Variants in SYNPO2 observed in about 807,000 individuals in gnomAD.
The protein encoded by SYNPO2 is synaptopodin 2.
Under a neutral mutation model 85.0 loss-of-function variants are expected in SYNPO2, and 56 were observed. That is an observed-to-expected ratio of 0.66 (90% confidence interval 0.53 to 0.82). The LOEUF is 0.82. Ranked by LOEUF, SYNPO2 falls within the 40% of genes least tolerant of loss-of-function variation. The pLI is 0.00. For synonymous variants in SYNPO2, 602 were observed against 591.1 expected (o/e 1.02, Z -0.27); for missense variants, 1,575 against 1,534.2 (o/e 1.03, Z -0.44).
intron 1 of SYNPO2, among the ~76,000 whole-genome samples, chr4:118,992,724 C>A (rs1031635249): frequency 6.6e-6 from 1 of 152,108 alleles, no homozygotes; most frequent in African/African-American, 2.4e-5. Context: ...CATAAATGCA[C>A]TTGATCTGGA....
chr4:118,879,143 G>A lies in SYNPO2; in HGVS notation c.12+28203G>A, dbSNP rs558110255. On this transcript the variant is annotated intron_variant, in intron 1 of 4. Transcript: ENST00000610556. ...AACTCGCCAGAAGGAAGAAACTCCC[G>A]ACACATCTGAACATCTGAAGGAACA... Among the ~76,000 whole-genome samples, 6 of 152,214 alleles carry A rather than the reference G, an allele frequency of 3.9e-5. No individual in the cohort carries two copies. The East Asian group carries it at 9.6e-4, about 24-fold the overall frequency.
At chr4:118,873,952 C>A (rs371690170) in intron 1 of SYNPO2, among the ~76,000 whole-genome samples, 1 of 111,138 alleles carries the variant, frequency 9.0e-6, no homozygotes, top group African/African-American at 3.1e-5. Context: ...CTTTTCCCAC[C>A]GGCATTTATT....
chr4:118,942,746 A>G (rs967762147), intron 1 of SYNPO2, among the ~76,000 whole-genome samples: 1 of 152,218 alleles, frequency 6.6e-6, no homozygotes, highest in Admixed American at 6.5e-5. Context: ...GATAGAGGCC[A>G]GAGATGCTGC....
At chr4:118,916,800 A>T (rs1733350330) in intron 1 of SYNPO2, among the ~76,000 whole-genome samples, 1 of 136,118 alleles carries the variant, frequency 7.3e-6, no homozygotes, top group Non-Finnish European at 1.5e-5. Context: ...TGATGCAGTC[A>T]TAGCTCACTG....
intron 1 of SYNPO2, among the ~76,000 whole-genome samples, chr4:118,979,931 C>A (rs920761349): frequency 3.2e-4 from 48 of 152,256 alleles, no homozygotes; most frequent in African/African-American, 1.1e-3. Flanking sequence ...TTGGTCTGTG[C>A]CTCGTGTTAT....
intron 1 of SYNPO2, among the ~76,000 whole-genome samples, chr4:118,899,891 A>G (rs980092890): frequency 6.6e-6 from 1 of 152,194 alleles, no homozygotes; most frequent in South Asian, 2.1e-4. Flanking sequence ...CCTCCTGAGT[A>G]GCTGGGATTA....
intron 1 of SYNPO2, among the ~76,000 whole-genome samples, chr4:118,930,391 A>C (rs1733882763): frequency 6.6e-6 from 1 of 152,054 alleles, no homozygotes. Flanking sequence ...CCTTACTTAA[A>C]CTGTGTGGTG....
intron 1 of SYNPO2, among the ~76,000 whole-genome samples, chr4:119,019,728 G>T (rs2149183304): frequency 6.6e-6 from 1 of 152,138 alleles, no homozygotes; most frequent in Non-Finnish European, 1.5e-5. Flanking sequence ...TAAAGCTTAG[G>T]GTAGTAGCGT....
intron 4 of SYNPO2, among the ~76,000 whole-genome samples, chr4:119,052,564 C>T (rs1222833647): frequency 6.6e-6 from 1 of 152,022 alleles, no homozygotes; most frequent in Non-Finnish European, 1.5e-5. Context: ...TTTTTTCCTC[C>T]AACCCCAGGG....
chr4:118,930,873 G>T (rs1052189430), intron 1 of SYNPO2, among the ~76,000 whole-genome samples: 2 of 149,850 alleles, frequency 1.3e-5, no homozygotes, highest in Non-Finnish European at 3.0e-5. Context: ...AGCCATGTTA[G>T]TGGCACTGCA....
At chr4:118,884,790 A>G (rs1447878978), upstream of SYNPO2, among the ~76,000 whole-genome samples, 3 of 152,226 alleles carry the variant, frequency 2.0e-5, no homozygotes, top group Admixed American at 2.0e-4. Context: ...TTGGGCACCA[A>G]TCATTCATCA....
intron 1 of SYNPO2, among the ~76,000 whole-genome samples, chr4:118,975,072 T>A (rs1735673005): frequency 6.6e-6 from 1 of 152,174 alleles, no homozygotes; most frequent in African/African-American, 2.4e-5. Context: ...AATCCAACCT[T>A]ACTTTCAATA....
chr4:119,051,725 A>G (rs972822790), intron 4 of SYNPO2, among the ~76,000 whole-genome samples: 2 of 152,052 alleles, frequency 1.3e-5, no homozygotes, highest in Non-Finnish European at 2.9e-5. Flanking sequence ...GGAGAGAGGG[A>G]GCTTTGTACT....
intron 1 of SYNPO2, among the ~76,000 whole-genome samples, chr4:118,915,126 T>C (rs1733270064): frequency 6.6e-6 from 1 of 152,086 alleles, no homozygotes; most frequent in African/African-American, 2.4e-5. Flanking sequence ...AATTTTACTT[T>C]GGATAACAGG....
intron 1 of SYNPO2, among the ~76,000 whole-genome samples, chr4:118,876,701 CTTTCTTTCTT>C (rs1731927916): frequency 8.4e-6 from 1 of 118,444 alleles, no homozygotes; most frequent in African/African-American, 3.3e-5. Flanking sequence ...TTCTTTCTTT[CTTTCTTTCTT>C]TCTTTCTTTC....
chr4:118,935,366 C>G (rs992467707), intron 1 of SYNPO2, among the ~76,000 whole-genome samples: 1 of 152,200 alleles, frequency 6.6e-6, no homozygotes, highest in Non-Finnish European at 1.5e-5. Context: ...TCTCTCTAAT[C>G]TGTAATCATT....
At chr4:118,893,233 T>TA (rs1732433409) in intron 1 of SYNPO2, among the ~76,000 whole-genome samples, 1 of 152,302 alleles carries the variant, frequency 6.6e-6, no homozygotes, top group East Asian at 1.9e-4. Flanking sequence ...TAGGCGATAT[T>TA]AAAAAATCCT....
intron 4 of SYNPO2, among the ~76,000 whole-genome samples, chr4:119,052,945 T>G (rs994077652): frequency 6.6e-6 from 1 of 152,336 alleles, no homozygotes. Context: ...ATTTAACATC[T>G]TGGTTACAGT....
intron 1 of SYNPO2, among the ~76,000 whole-genome samples, chr4:118,876,777 C>T (rs114362783): frequency 0.015 from 2,088 of 140,952 alleles, 28 homozygotes; most frequent in Non-Finnish European, 0.022. Context: ...CTTTCCTTCC[C>T]TTTTCTTTTT....
Sources: allele counts gnomAD v4.1 joint callset (sites outside exome capture counted in the v4.1 genomes callset), GRCh38; gene constraint gnomAD v4.1.1; transcripts MANE v1.5; gene names NCBI Gene and HGNC (gene_info 2026-07-23, HGNC 2026-07-21).